Variants in NEB observed in about 807,000 individuals in gnomAD.
NEB encodes nebulin.
In NEB, 512 loss-of-function variants were observed where a neutral mutation model predicts 952.2. That is an observed-to-expected ratio of 0.54 (90% CI 0.50 to 0.58). NEB has a LOEUF of 0.58. Ranked by LOEUF, NEB falls within the 20% of genes least tolerant of loss-of-function variation. The pLI is 0.00. For synonymous variants in NEB, 2,900 were observed against 3,149.8 expected (o/e 0.92, Z 2.66); for missense variants, 8,428 against 9,231.1 (o/e 0.91, Z 3.56).
rs558663009 is a variant in NEB, at chr2:151,503,294, A to G, written c.23835+55T>C. ...TTACTTTCTTTAAAAAAGATGGGTTATTGTGGTAAATTTTTTATGGGAAAT... is the reference window on the plus strand; with the variant it reads ...TTACTTTCTTTAAAAAAGATGGGTTGTTGTGGTAAATTTTTTATGGGAAAT... On this transcript the variant is annotated intron_variant, in intron 166 of 181. Coordinates refer to ENST00000397345, the MANE Select transcript of NEB (RefSeq NM_001164508.2). 11 of 1,285,408 alleles carry G rather than the reference A, an allele frequency of 8.6e-6. No homozygotes were observed. The South Asian group carries it at 1.1e-4, about 13-fold the overall frequency. The allele number at this position is 1,285,408 out of a possible 1,614,324, so 79.6% of individuals were successfully genotyped here. A position where few individuals can be genotyped will look rare whatever the true frequency, so the allele number is the denominator to read the frequency against.
chr2:151,504,759 C>T (rs1028036758), intron 165 of NEB, among the ~76,000 whole-genome samples: 1 of 152,124 alleles, frequency 6.6e-6, no homozygotes, highest in Non-Finnish European at 1.5e-5. Context: ...GGTGCAGAGC[C>T]AGGGCTTGCT....
chr2:151,722,195 G>C (rs1372476070), intron 9 of NEB, among the ~76,000 whole-genome samples: 3 of 152,150 alleles, frequency 2.0e-5, no homozygotes, highest in Non-Finnish European at 1.5e-5. Context: ...CAAATAACTT[G>C]TCGCTTTATA....
rs752801727 is a variant in NEB, at chr2:151,627,742, A to G, written c.9924T>C (p.His3308=). 3.1e-6 allele frequency: 5 copies of G among 1,613,948 alleles called. No homozygotes were observed. The highest frequency in any genetic ancestry group is 1.3e-5 in the African/African-American group (1 of 75,016). ...CCCTGTCACTCTGGATCTTGGCCAC[A>G]TGCATGGACCACATCATCTTGGGGT... ...EDDPKMMWSM[H]VAKIQSDREY... Residue 3308 remains histidine, a synonymous_variant, in exon 69 of 182, where the codon CAT becomes CAC. Transcript: ENST00000397345.
intron 166 of NEB, 140 bp downstream of exon 166, chr2:151,503,209 A>G (rs895174478): frequency 7.8e-6 from 5 of 643,674 alleles, no homozygotes; most frequent in African/African-American, 1.9e-5. Flanking sequence ...TATTAACATA[A>G]TTTTGGTCAG....
chr2:151,722,824 C>G (rs1391123680), intron 9 of NEB, among the ~76,000 whole-genome samples: 2 of 152,182 alleles, frequency 1.3e-5, no homozygotes, highest in East Asian at 3.8e-4. Flanking sequence ...GCTGGGATTA[C>G]AGGGGTGAGT....
At chr2:151,713,264 C>T (rs1466723819) in intron 10 of NEB, among the ~76,000 whole-genome samples, 1 of 152,174 alleles carries the variant, frequency 6.6e-6, no homozygotes, top group Non-Finnish European at 1.5e-5. Flanking sequence ...GTTAATTACC[C>T]TTCTCTTTTT....
chr2:151,665,355 C>T lies in NEB; in HGVS notation c.5216G>A (p.Ser1739Asn), dbSNP rs1317837716. The T allele has an allele frequency of 1.9e-6, 3 of 1,613,684 alleles. No homozygotes were observed. Among genetic ancestry groups the T allele is most frequent in the South Asian group, 2.2e-5 (2 of 91,048 alleles). ...TACCTTGTCCATGTTCAGTTTGTTA[C>T]TCTTGTTAAGTGCCTGTTCCATTGT... ...MDTMEQALNK[S>N]NKLNMDKRLY... The change falls in exon 42 of 182, where the codon AGT becomes AAT. Residue 1739 changes from serine (S) to asparagine (N), a missense_variant. Transcript: ENST00000397345.
chr2:151,725,304 T>C (rs555201508), intron 6 of NEB, 149 bp downstream of exon 6: 1 of 697,030 alleles, frequency 1.4e-6, no homozygotes, highest in Non-Finnish European at 2.4e-6. Context: ...TACAGCAACA[T>C]GATCTATGGT....
chr2:151,692,511 A>G (rs2099563893), intron 20 of NEB, 149 bp from the exon 21 acceptor site: 2 of 702,954 alleles, frequency 2.8e-6, no homozygotes, highest in Non-Finnish European at 5.1e-6. Flanking sequence ...AAAGCAGAAT[A>G]GATGTGGTAG....
chr2:151,510,200 T>G lies in NEB; in HGVS notation c.23347-2091A>C, dbSNP rs534227206. 5.9e-5 allele frequency among the ~76,000 whole-genome samples: 9 copies of G among 152,312 alleles called. No homozygotes were observed. In the East Asian group the frequency reaches 1.7e-3, roughly 29 times the overall value. On this transcript the variant is annotated intron_variant, in intron 161 of 181. Transcript: ENST00000397345. ...CTAAATCAGGGAGGTTTGAGGAGTTTCTTCAGACCCCCAATAAACTTGTTT... is the reference window on the plus strand; with the variant it reads ...CTAAATCAGGGAGGTTTGAGGAGTTGCTTCAGACCCCCAATAAACTTGTTT...
chr2:151,639,967 T>C lies in NEB; in HGVS notation c.8779A>G (p.Ile2927Val). 6.2e-7 allele frequency: 1 copy of C among 1,614,016 alleles called. No individual in the cohort carries two copies. Among genetic ancestry groups the C allele is most frequent in the Non-Finnish European group, 8.5e-7 (1 of 1,179,886 alleles). Residue 2927 changes from isoleucine (I) to valine (V), a missense_variant, in exon 62 of 182, where the codon ATT becomes GTT. Ile to Val is a conservative substitution (Grantham distance 29). This residue lies in a region of NEB where 1,772 missense variants were observed against 1,960.3 expected (regional missense o/e 0.90). Coordinates refer to ENST00000397345, the MANE Select transcript of NEB (RefSeq NM_001164508.2). ...TGGCGATAGATTTTATCACTCAAAATTTCAGTTGCCCTTTTGCATTTTTCC... is the reference window on the plus strand; with the variant it reads ...TGGCGATAGATTTTATCACTCAAAACTTCAGTTGCCCTTTTGCATTTTTCC... ...DVEKCKRATEILSDKIYRQPP... is the reference protein window; with the variant it reads ...DVEKCKRATEVLSDKIYRQPP...
chr2:151,674,500 C>A lies in NEB; in HGVS notation c.3964G>T (p.Ala1322Ser), dbSNP rs376611641. 48 of 1,613,826 alleles carry A rather than the reference C, an allele frequency of 3.0e-5. No homozygotes were observed. In the African/African-American group the frequency reaches 5.3e-4, roughly 18 times the overall value. The stretch of plus-strand genomic sequence containing the variant: ...ACATCACTGGCAATGTTTCTCGATG[C>A]CTTGGCTGCAGTGATGGGAATAGCA... ...GDAIPITAAK[A>S]SRNIASDYKY... is the part of the protein sequence containing the mutation. The change falls in exon 36 of 182, where the codon GCA (alanine) becomes TCA (serine). Residue 1322 changes from alanine to serine, a missense_variant. Coordinates refer to ENST00000397345, the MANE Select transcript of NEB (RefSeq NM_001164508.2).
Position 151,696,537 on chromosome 2 carries a change from A to G in NEB, c.1569+100T>C, listed in dbSNP as rs1455943973. ...TGTTTAAACTTGCTAATACTTACTT[A>G]GCCTTTTGAATAAACTTGATAAGTC... On this transcript the variant is annotated intron_variant, in intron 17 of 181. Transcript: ENST00000397345. 5 of 881,228 alleles carry G rather than the reference A, an allele frequency of 5.7e-6. No individual in the cohort carries two copies. The Admixed American group carries it at 1.0e-4, about 18-fold the overall frequency. 54.6% of individuals were successfully genotyped at this position (881,228 alleles called of 1,614,324 possible).
chr2:151,619,525 G>A lies in NEB; in HGVS notation c.10798C>T (p.Leu3600=), dbSNP rs2154022281. The A allele has an allele frequency of 6.2e-7, 1 of 1,613,960 alleles. No homozygotes were observed. Among genetic ancestry groups the A allele is most frequent in the South Asian group, 1.1e-5 (1 of 91,084 alleles). The change falls in exon 73 of 182, where the codon CTG becomes TTG. Residue 3600 remains leucine, a synonymous_variant. Transcript: ENST00000397345. ...TCGGGCAGGCAGATCCATTCATGCAGAGGATGTTTATAGTCCACATCGCTG... is the reference window on the plus strand; with the variant it reads ...TCGGGCAGGCAGATCCATTCATGCAAAGGATGTTTATAGTCCACATCGCTG... ...LVSDVDYKHP[L]HEWICLPDQN...
chr2:151,548,315 G>C lies in NEB; in HGVS notation c.20150C>G (p.Thr6717Ser). 6.2e-7 allele frequency: 1 copy of C among 1,610,646 alleles called. No homozygotes were observed. Among genetic ancestry groups the C allele is most frequent in the East Asian group, 2.2e-5 (1 of 44,838 alleles). Residue 6717 changes from threonine (T) to serine (S), a missense_variant, in exon 131 of 182, where the codon ACC (threonine) becomes AGC (serine). Transcript: ENST00000397345. ...FVHVRRVNNVTSERLYRELYH... is the reference protein window; with the variant it reads ...FVHVRRVNNVSSERLYRELYH... ...GAATCAGCATTCAGGTACCTCGCTGGTAACATTGTTGACTCTCCGGACGTG... is the reference window on the plus strand; with the variant it reads ...GAATCAGCATTCAGGTACCTCGCTGCTAACATTGTTGACTCTCCGGACGTG...
chr2:151,507,685 G>A (rs6719297), intron 162 of NEB: 159,311 of 259,814 alleles, frequency 0.61, 49,831 homozygotes, highest in East Asian at 0.78. Context: ...AGCTTTTATT[G>A]AATAAATTGT....
At chr2:151,528,660 C>G (rs1328285530) in intron 146 of NEB, among the ~76,000 whole-genome samples, 1 of 152,138 alleles carries the variant, frequency 6.6e-6, no homozygotes, top group Non-Finnish European at 1.5e-5. Context: ...CATTGTATAA[C>G]CATTTAATAT....
chr2:151,577,268 T>C (rs1358136717), intron 105 of NEB, among the ~76,000 whole-genome samples: 2 of 152,176 alleles, frequency 1.3e-5, no homozygotes, highest in African/African-American at 4.8e-5. Context: ...TCCCCACCTA[T>C]TCTTCCAGCC....
In NEB at chr2:151,617,468, G is replaced by A. The variant is rs539139958; in HGVS notation, c.11077C>T (p.Arg3693Cys). The A allele has an allele frequency of 2.3e-4, 308 of 1,362,668 alleles. No homozygotes were observed. Among genetic ancestry groups the A allele is most frequent in the Non-Finnish European group, 2.8e-4 (288 of 1,041,672 alleles). The allele number at this position is 1,362,668 out of a possible 1,614,324, so 84.4% of individuals were successfully genotyped here. ...TTGTCCCAGGCTTCAGTATATAAGCGCTACAAAAAAAAAAAAAAAAGAGAG... is the reference window on the plus strand; with the variant it reads ...TTGTCCCAGGCTTCAGTATATAAGCACTACAAAAAAAAAAAAAAAAGAGAG... The part of the protein sequence containing the change: ...AKNNALNMNK[R>C]LYTEAWDNDK... The change falls in exon 75 of 182, where the codon CGC becomes TGC. Residue 3693 changes from arginine (R) to cysteine (C), a missense_variant and splice_region_variant. By Grantham distance (180) the Arg-to-Cys change is radical. Transcript: ENST00000397345.
Sources: gnomAD v4.1 joint callset for allele counts (sites outside exome capture counted in the v4.1 genomes callset) on GRCh38, gnomAD v4.1.1 for gene constraint, gnomAD v4.1.1 regional missense constraint, MANE v1.5 for transcripts, NCBI Gene and HGNC (gene_info 2026-07-23, HGNC 2026-07-21) for gene names.